The following STS variants were observed in gnomAD, a reference collection of about 807,000 sequenced individuals.
STS encodes the protein steroid sulfatase.
A neutral mutation model predicts 26.8 loss-of-function variants in STS; 7 were observed. The observed-to-expected ratio is 0.26, with a 90% CI of 0.15 to 0.49. The LOEUF (loss-of-function observed/expected upper bound fraction) is 0.49, where lower values mean the gene tolerates loss of function less well. Among genes scored for constraint, STS ranks in the 20% least tolerant of loss-of-function variants. The probability of loss-of-function intolerance (pLI) is 0.98; values close to 1 mark genes in which losing one functional copy is unlikely to be tolerated. For synonymous variants in STS, 199 were observed against 189.4 expected, an observed-to-expected ratio of 1.05 and a Z score of -0.42; for missense variants, 434 against 465.6, an observed-to-expected ratio of 0.93 and a Z score of 0.63.
At chrX:7,162,882 T>TA (rs758518020) in intron 1 of STS, among the ~76,000 whole-genome samples, 11,342 of 49,685 alleles carry the variant, frequency 0.23, 1,503 homozygotes, top group Admixed American at 0.31. Context: ...CCGTCTATAC[T>TA]AAAAAAAAAA....
Position 7,276,059 on chromosome X carries a change from T to C in STS, c.915T>C (p.Asp305=). ...AAAGTCAACACGGAGTCTACGGGGA[T>C]GCTGTTGAGGAAATGGACTGGAGTG... ...AGKSQHGVYG[D]AVEEMDWSVG... is the part of the protein sequence containing the mutation. Residue 305 remains aspartate, a synonymous_variant, in exon 7 of 11, where the codon GAT becomes GAC. Transcript: ENST00000674429. 1 of 1,208,428 alleles carries C rather than the reference T, an allele frequency of 8.3e-7. No individual in the cohort carries two copies. The highest frequency in any genetic ancestry group is 1.8e-5 in the African/African-American group (1 of 57,140).
chrX:7,203,777 A>T (rs1934120111), intron 2 of STS, among the ~76,000 whole-genome samples: 2 of 108,201 alleles, frequency 1.8e-5, no homozygotes, highest in African/African-American at 3.4e-5. Context: ...TCCATATGCA[A>T]ATATATATAT....
intron 2 of STS, among the ~76,000 whole-genome samples, chrX:7,206,000 G>A (rs774152816): frequency 9.0e-6 from 1 of 110,874 alleles, no homozygotes; most frequent in African/African-American, 3.3e-5. Flanking sequence ...TGATTTGATT[G>A]TATGTAACCC....
At chrX:7,246,479 TG>T (rs1275354489) in intron 2 of STS, among the ~76,000 whole-genome samples, 1 of 109,326 alleles carries the variant, frequency 9.1e-6, no homozygotes, top group Non-Finnish European at 1.9e-5. Context: ...TTTTTTTTTT[TG>T]GATTTTTAGT....
At chrX:7,194,352 T>G (rs972209689) in intron 2 of STS, among the ~76,000 whole-genome samples, 9 of 111,427 alleles carry the variant, frequency 8.1e-5, no homozygotes, top group Non-Finnish European at 1.3e-4. Flanking sequence ...AGTCTTAGGT[T>G]TTACAATAGT....
upstream of STS, among the ~76,000 whole-genome samples, chrX:7,147,684 A>T (rs1446124394): frequency 8.9e-6 from 1 of 112,027 alleles, no homozygotes; most frequent in African/African-American, 3.2e-5. Context: ...GTAACCGAAA[A>T]GAGAGCGCGG....
At chrX:7,336,239 G>GCCC (rs778077403) in intron 10 of STS, among the ~76,000 whole-genome samples, 19 of 88,714 alleles carry the variant, frequency 2.1e-4, no homozygotes, top group Non-Finnish European at 2.6e-4. Flanking sequence ...ACCTAGGACT[G>GCCC]CCCCCCCCAC....
intron 10 of STS, among the ~76,000 whole-genome samples, chrX:7,348,696 T>C (rs1928633112): frequency 8.9e-6 from 1 of 112,384 alleles, no homozygotes; most frequent in African/African-American, 3.2e-5. Context: ...TTGGAGTTTA[T>C]TGAAATACAG....
rs1298021094 is a variant in STS, at chrX:7,352,193, A to T, written c.*1932A>T. Reference sequence around the variant, plus strand: ...GGCACTATTATAAATTTATCCTATAAGATGACAATGTTTACTCAAAGTCTA... The same window carrying T: ...GGCACTATTATAAATTTATCCTATATGATGACAATGTTTACTCAAAGTCTA... On this transcript the variant is annotated 3_prime_UTR_variant, in exon 11 of 11. Transcript: ENST00000674429. The T allele has an allele frequency of 8.9e-6, 1 of 112,176 alleles. No individual in the cohort carries two copies. The highest frequency in any genetic ancestry group is 3.2e-5 in the African/African-American group (1 of 30,918). The allele number at this position is 112,176 out of a possible 1,213,427, so 9.2% of individuals were successfully genotyped here.
At position 7,263,855 on chromosome X, in the gene STS, T is replaced by C. The variant is rs190688251; in HGVS notation, c.806+4083T>C. ...TGTGTGTGTGTGCTTTACACACATA[T>C]GTATTTAATTTACAAAGAGATAAAT... On this transcript the variant is annotated intron_variant, in intron 6 of 10. Transcript: ENST00000674429. Among the ~76,000 whole-genome samples, 325 of 111,700 alleles carry C rather than the reference T, an allele frequency of 2.9e-3. 1 individual carries two copies. Among genetic ancestry groups the C allele is most frequent in the Non-Finnish European group, 5.2e-3 (277 of 53,152 alleles).
chrX:7,213,044 G>A (rs143940415), intron 2 of STS, among the ~76,000 whole-genome samples: 14 of 111,243 alleles, frequency 1.3e-4, no homozygotes, highest in Non-Finnish European at 2.3e-4. Flanking sequence ...AGCCTCAAGC[G>A]ATCCTCCTTC....
At chrX:7,244,472 T>A (rs1922770553) in intron 2 of STS, among the ~76,000 whole-genome samples, 1 of 111,862 alleles carries the variant, frequency 8.9e-6, no homozygotes, top group Non-Finnish European at 1.9e-5. Context: ...TAGATGCCGA[T>A]CTGCCTACAT....
chrX:7,338,823 A>G (rs1449292211), intron 10 of STS, among the ~76,000 whole-genome samples: 1 of 112,388 alleles, frequency 8.9e-6, no homozygotes, highest in African/African-American at 3.2e-5. Flanking sequence ...ATTTGGTTAT[A>G]TGAGTGTTTC....
At chrX:7,242,162 T>C (rs1215834631) in intron 2 of STS, among the ~76,000 whole-genome samples, 1 of 111,168 alleles carries the variant, frequency 9.0e-6, no homozygotes, top group Non-Finnish European at 1.9e-5. Flanking sequence ...CAGGAGGCGA[T>C]TGTATCAGAT....
intron 6 of STS, among the ~76,000 whole-genome samples, chrX:7,260,449 G>A (rs963351576): frequency 8.1e-5 from 9 of 111,457 alleles, no homozygotes; most frequent in African/African-American, 2.9e-4. Context: ...GTGTCGCCCA[G>A]GCTGGAGTGC....
chrX:7,153,241 T>C (rs1203858949), intron 1 of STS, among the ~76,000 whole-genome samples: 4 of 110,633 alleles, frequency 3.6e-5, no homozygotes, highest in African/African-American at 1.3e-4. Flanking sequence ...CTTCCCTCCC[T>C]TTCTTTCCTC....
At chrX:7,215,736 G>C (rs746466760) in intron 2 of STS, among the ~76,000 whole-genome samples, 1 of 111,506 alleles carries the variant, frequency 9.0e-6, no homozygotes, top group African/African-American at 3.3e-5. Flanking sequence ...CCCTCCTGCA[G>C]GGTTGCCCAG....
At chrX:7,328,804 G>A (rs1927610191) in intron 9 of STS, among the ~76,000 whole-genome samples, 1 of 109,912 alleles carries the variant, frequency 9.1e-6, no homozygotes, top group African/African-American at 3.3e-5. Context: ...CAGCTGATCC[G>A]CCTGCCTCAG....
At chrX:7,343,732 C>G (rs1311900614) in intron 10 of STS, among the ~76,000 whole-genome samples, 6 of 112,029 alleles carry the variant, frequency 5.4e-5, no homozygotes, top group Non-Finnish European at 1.1e-4. Context: ...TGCGTTCTCT[C>G]TCTCTCTTCC....
Sources: gnomAD v4.1 joint callset for allele counts (sites outside exome capture counted in the v4.1 genomes callset) on GRCh38, gnomAD v4.1.1 for gene constraint, MANE v1.5 for transcripts, NCBI Gene and HGNC (gene_info 2026-07-23, HGNC 2026-07-21) for gene names.